The following FAM177A1 variants were observed in gnomAD, a reference collection of about 807,000 sequenced individuals.
FAM177A1 encodes the protein protein FAM177A1.
A neutral mutation model predicts 26.1 loss-of-function variants in FAM177A1; 22 were observed. The observed-to-expected ratio is 0.84, with a 90% CI of 0.60 to 1.20. The LOEUF is 1.20. Ranked by LOEUF, FAM177A1 falls within the 50% of genes most tolerant of loss-of-function variation. FAM177A1 has a pLI of 0.00. For synonymous variants in FAM177A1, 95 were observed against 99.3 expected, an observed-to-expected ratio of 0.96 and a Z score of 0.26; for missense variants, 296 against 291.1, an observed-to-expected ratio of 1.02 and a Z score of -0.12.
chr14:35,069,880 G>A (rs1282384574), intron 2 of FAM177A1, among the ~76,000 whole-genome samples: 1 of 151,608 alleles, frequency 6.6e-6, no homozygotes, highest in Non-Finnish European at 1.5e-5. Context: ...CATTTGGGGA[G>A]GCCGAGGCGG....
At chr14:35,067,700 T>C (rs117967719) in intron 2 of FAM177A1, among the ~76,000 whole-genome samples, 1 of 152,332 alleles carries the variant, frequency 6.6e-6, no homozygotes, top group East Asian at 1.9e-4. Context: ...TTATCTTTTA[T>C]CTTTTTGATA....
At chr14:35,068,053 G>T (rs1390676192) in intron 2 of FAM177A1, among the ~76,000 whole-genome samples, 1 of 152,110 alleles carries the variant, frequency 6.6e-6, no homozygotes, top group Non-Finnish European at 1.5e-5. Context: ...TCTGGTTTTG[G>T]TTTTGTTGCC....
intron 4 of FAM177A1, among the ~76,000 whole-genome samples, chr14:35,079,634 T>G (rs2045449310): frequency 6.6e-6 from 1 of 152,162 alleles, no homozygotes; most frequent in East Asian, 1.9e-4. Context: ...TCTATAAGCC[T>G]CAATCTCCTC....
intron 2 of FAM177A1, chr14:35,055,025 G>A (rs1490113890): frequency 6.6e-6 from 1 of 151,756 alleles, no homozygotes; most frequent in Non-Finnish European, 1.5e-5. Flanking sequence ...AAGCAGGCCA[G>A]GAGCAATGGT....
chr14:35,069,421 G>A (rs2138556768), intron 2 of FAM177A1, among the ~76,000 whole-genome samples: 2 of 152,150 alleles, frequency 1.3e-5, no homozygotes, highest in Middle Eastern at 6.8e-3. Flanking sequence ...AAGTAGCTGG[G>A]ATTACAGGCA....
In FAM177A1 at chr14:35,067,714, T is replaced by C. The variant is rs978081368; in HGVS notation, c.340-9436T>C. Among the ~76,000 whole-genome samples, 6 of 152,236 alleles carry C rather than the reference T, an allele frequency of 3.9e-5. No homozygotes were observed. In the East Asian group the frequency reaches 9.6e-4, roughly 24 times the overall value. ...GTTATCTTTTATCTTTTTGATAATA[T>C]CCATTTTGACAGGTATGTGGTGATA... On this transcript the variant is annotated intron_variant, in intron 2 of 4. Coordinates refer to ENST00000280987, the MANE Select transcript of FAM177A1 (RefSeq NM_173607.5).
Position 35,082,053 on chromosome 14 carries a change from T to A in FAM177A1, c.*825T>A, listed in dbSNP as rs986614571. Reference sequence around the variant, plus strand: ...TTAATCCATCAGGAGCAATTAGATATTGTATAAGGTGCAATGATAGCCTAA... The same window carrying A: ...TTAATCCATCAGGAGCAATTAGATAATGTATAAGGTGCAATGATAGCCTAA... On this transcript the variant is annotated 3_prime_UTR_variant, in exon 5 of 5. Coordinates refer to ENST00000280987, the MANE Select transcript of FAM177A1 (RefSeq NM_173607.5). The A allele has an allele frequency of 6.6e-6, 1 of 152,128 alleles. No individual in the cohort carries two copies. Among genetic ancestry groups the A allele is most frequent in the Admixed American group, 6.6e-5 (1 of 15,250 alleles). 9.4% of individuals were successfully genotyped at this position (152,128 alleles called of 1,614,324 possible). A position where few individuals can be genotyped will look rare whatever the true frequency, so the allele number is the denominator to read the frequency against.
chr14:35,057,204 A>G (rs1411916143), intron 2 of FAM177A1, among the ~76,000 whole-genome samples: 1 of 152,094 alleles, frequency 6.6e-6, no homozygotes. Context: ...GTACTGCCTT[A>G]GTTTTATTCC....
chr14:35,053,250 T>G (rs1441516022), intron 1 of FAM177A1, 28 bp from the exon 2 acceptor site: 1 of 1,578,836 alleles, frequency 6.3e-7, no homozygotes. Context: ...CACTTGAAAC[T>G]CATTTTCTTA....
chr14:35,080,913 T>A, intron 4 of FAM177A1, 109 bp from the exon 5 acceptor site: 4 of 154,846 alleles, frequency 2.6e-5, no homozygotes, highest in Non-Finnish European at 4.9e-5. Flanking sequence ...AACATGACAC[T>A]TTTTTTTTTT....
In FAM177A1 at chr14:35,082,013, G is replaced by A. The variant is rs954784550; in HGVS notation, c.*785G>A. 7.9e-5 allele frequency: 12 copies of A among 152,154 alleles called. No homozygotes were observed. Among genetic ancestry groups the A allele is most frequent in the African/African-American group, 2.4e-4 (10 of 41,432 alleles). The allele number at this position is 152,154 out of a possible 1,614,324, so 9.4% of individuals were successfully genotyped here. On this transcript the variant is annotated 3_prime_UTR_variant, in exon 5 of 5. Coordinates refer to ENST00000280987, the MANE Select transcript of FAM177A1 (RefSeq NM_173607.5). Reference sequence around the variant, plus strand: ...GGTTTGGAGGGGATTGGGGGATAGTGGGACAGGTATAGATTTAATCCATCA... The same window carrying A: ...GGTTTGGAGGGGATTGGGGGATAGTAGGACAGGTATAGATTTAATCCATCA...
At chr14:35,075,305 G>A (rs147322434) in intron 2 of FAM177A1, among the ~76,000 whole-genome samples, 218 of 152,182 alleles carry the variant, frequency 1.4e-3, no homozygotes, top group African/African-American at 5.1e-3. Context: ...TGGGTTCTAT[G>A]GTCTAGTCCT....
At chr14:35,075,791 A>G (rs1310527841) in intron 2 of FAM177A1, among the ~76,000 whole-genome samples, 1 of 152,248 alleles carries the variant, frequency 6.6e-6, no homozygotes, top group East Asian at 1.9e-4. Context: ...TGGGCAAAGG[A>G]TATGAACAGA....
Position 35,046,631 on chromosome 14 carries a change from A to T in FAM177A1, c.165+3A>T. 2.0e-6 allele frequency: 3 copies of T among 1,530,806 alleles called. No homozygotes were observed. Among genetic ancestry groups the T allele is most frequent in the Middle Eastern group, 1.7e-4 (1 of 5,812 alleles). 94.8% of individuals were successfully genotyped at this position (1,530,806 alleles called of 1,614,324 possible). ...CATTCGGGGAATCTGCAGGGCAGGT[A>T]GGTGGGGCCGCCGAGGCTGACGTCC... On this transcript the variant is annotated splice_donor_region_variant and intron_variant, in intron 1 of 4. Coordinates refer to ENST00000280987, the MANE Select transcript of FAM177A1 (RefSeq NM_173607.5).
At chr14:35,079,116 A>G in intron 4 of FAM177A1, 92 bp downstream of exon 4, 1 of 816,312 alleles carries the variant, frequency 1.2e-6, no homozygotes, top group Non-Finnish European at 1.9e-6. Context: ...CTAACTGCCC[A>G]ACATGTAGCT....
chr14:35,077,506 C>T (rs1326339952), intron 3 of FAM177A1, among the ~76,000 whole-genome samples: 4 of 114,100 alleles, frequency 3.5e-5, no homozygotes, highest in East Asian at 5.5e-4. Context: ...GACGGAGTCT[C>T]GCTCTGTCGC....
chr14:35,080,418 T>C (rs2045462614), intron 4 of FAM177A1, among the ~76,000 whole-genome samples: 1 of 152,226 alleles, frequency 6.6e-6, no homozygotes, highest in Non-Finnish European at 1.5e-5. Context: ...TTTATTTAGC[T>C]TAGACTTAAT....
At chr14:35,076,447 T>TG (rs1389033708) in intron 2 of FAM177A1, among the ~76,000 whole-genome samples, 2 of 142,036 alleles carry the variant, frequency 1.4e-5, no homozygotes, top group Admixed American at 1.4e-4. Flanking sequence ...TGTTGTGGGG[T>TG]GGGGGGAGCG....
At chr14:35,071,366 A>G (rs1228561216) in intron 2 of FAM177A1, among the ~76,000 whole-genome samples, 1 of 152,206 alleles carries the variant, frequency 6.6e-6, no homozygotes, top group African/African-American at 2.4e-5. Context: ...AATTGTTTTA[A>G]TAAGAAAAGG....
Sources: allele counts gnomAD v4.1 joint callset (sites outside exome capture counted in the v4.1 genomes callset), GRCh38; gene constraint gnomAD v4.1.1; transcripts MANE v1.5; gene names NCBI Gene and HGNC (gene_info 2026-07-23, HGNC 2026-07-21).